NDEL1: variants seen among roughly 807,000 people sequenced by gnomAD.
The protein encoded by NDEL1 is nuclear distribution protein nudE-like 1.
NDEL1 carries 9 observed loss-of-function variants against 45.7 expected under a neutral mutation model. That is an observed-to-expected ratio of 0.20 (90% CI 0.12 to 0.34). The LOEUF is 0.34. Among genes scored for constraint, NDEL1 ranks in the 10% least tolerant of loss-of-function variants. NDEL1 has a pLI of 1.00. For synonymous variants in NDEL1, 133 were observed against 158.6 expected (o/e 0.84, Z 1.21); for missense variants, 306 against 406.2 (o/e 0.75, Z 2.12).
upstream of NDEL1, chr17:8,435,703 GCGCCTGCGCAAGAGGA>G (rs940971199): frequency 4.2e-4 from 139 of 332,436 alleles, no homozygotes; most frequent in African/African-American, 2.1e-3. Flanking sequence ...GAGTCCAGGA[GCGCCTGCGCAAGAGGA>G]CGCCTGCGCA....
At chr17:8,432,619 C>T (rs1234703896), upstream of NDEL1, among the ~76,000 whole-genome samples, 5 of 151,514 alleles carry the variant, frequency 3.3e-5, no homozygotes, top group East Asian at 2.0e-4. Context: ...CTCCTGACCT[C>T]GTGATCCGCC....
intron 1 of NDEL1, among the ~76,000 whole-genome samples, chr17:8,423,758 T>C (rs1434399716): frequency 6.6e-6 from 1 of 152,110 alleles, no homozygotes; most frequent in Non-Finnish European, 1.5e-5. Flanking sequence ...GTTGGACTAA[T>C]TAGGGAGTCA....
chr17:8,443,021 C>T (rs868109519), intron 1 of NDEL1, among the ~76,000 whole-genome samples: 18 of 152,008 alleles, frequency 1.2e-4, no homozygotes, highest in Admixed American at 5.2e-4. Context: ...CCTCGTGATC[C>T]GCCCGCCTCG....
intron 1 of NDEL1, among the ~76,000 whole-genome samples, chr17:8,426,837 C>G (rs1175400487): frequency 6.6e-6 from 1 of 152,178 alleles, no homozygotes; most frequent in Non-Finnish European, 1.5e-5. Flanking sequence ...GTTTACCCCC[C>G]AGATAAGGAT....
chr17:8,435,376 A>T (rs1909210861), upstream of NDEL1, among the ~76,000 whole-genome samples: 1 of 152,238 alleles, frequency 6.6e-6, no homozygotes, highest in African/African-American at 2.4e-5. Context: ...TAGCTCTCAT[A>T]GAACTTAGAA....
In NDEL1 at chr17:8,425,398, G is replaced by A. The variant is rs527662796; in HGVS notation, c.-13+12129G>A. On this transcript the variant is annotated intron_variant, in intron 1 of 4. Transcript: ENST00000582812. ...GGAGTTTGAGACCAGCCTGGGCAAC[G>A]TGGTGAAACCCCATCTCTACAAAAA... 4.6e-5 allele frequency among the ~76,000 whole-genome samples: 7 copies of A among 152,224 alleles called. No individual in the cohort carries two copies. In the South Asian group the frequency reaches 1.2e-3, roughly 27 times the overall value.
intron 6 of NDEL1, 72 bp from the exon 7 acceptor site, chr17:8,454,723 TG>T: frequency 9.2e-7 from 1 of 1,088,604 alleles, no homozygotes; most frequent in South Asian, 1.3e-5. Flanking sequence ...TACACTACTT[TG>T]TAACATCAAC....
chr17:8,453,773 G>T (rs774895297), intron 6 of NDEL1, among the ~76,000 whole-genome samples: 4 of 152,172 alleles, frequency 2.6e-5, no homozygotes, highest in Admixed American at 2.6e-4. Flanking sequence ...AATAGTAAAT[G>T]TGCAAGAACA....
Position 8,435,919 on chromosome 17 carries a change from G to A in NDEL1, c.-139G>A, listed in dbSNP as rs1358017625. ...GTGTCGGGGAGGAGCCGGGCGCGGA[G>A]GTACGCTGAGTGGAGCTCGGGGCTG... On this transcript the variant is annotated 5_prime_UTR_variant, in exon 1 of 9. Transcript: ENST00000334527. 1 of 448,398 alleles carries A rather than the reference G, an allele frequency of 2.2e-6. No individual in the cohort carries two copies. Among genetic ancestry groups the A allele is most frequent in the Admixed American group, 2.4e-5 (1 of 42,150 alleles). 27.8% of individuals were successfully genotyped at this position (448,398 alleles called of 1,614,324 possible). A position where few individuals can be genotyped will look rare whatever the true frequency, so the allele number is the denominator to read the frequency against.
intron 8 of NDEL1, chr17:8,466,543 A>G (rs562169203): frequency 8.7e-5 from 15 of 172,728 alleles, no homozygotes; most frequent in Non-Finnish European, 1.1e-4. Context: ...ATATTTTCCC[A>G]TGCTATTAAA....
intron 3 of NDEL1, 85 bp from the exon 4 acceptor site, chr17:8,446,669 C>CA: frequency 6.8e-7 from 1 of 1,460,574 alleles, no homozygotes; most frequent in African/African-American, 1.4e-5. Flanking sequence ...CTTGGGTTCC[C>CA]CCCCACCCTT....
chr17:8,469,257 T>C (rs1220575379), downstream of NDEL1, among the ~76,000 whole-genome samples: 4 of 152,094 alleles, frequency 2.6e-5, no homozygotes, highest in Non-Finnish European at 1.5e-5. Context: ...ATTGGAAGGA[T>C]TGGATTAGAT....
At chr17:8,454,557 A>G in intron 6 of NDEL1, among the ~76,000 whole-genome samples, 1 of 152,208 alleles carries the variant, frequency 6.6e-6, no homozygotes, top group Non-Finnish European at 1.5e-5. Flanking sequence ...ATACTTGTCT[A>G]GATGTTTAAG....
chr17:8,444,575 A>C, intron 2 of NDEL1: 1 of 406,252 alleles, frequency 2.5e-6, no homozygotes, highest in Non-Finnish European at 4.4e-6. Context: ...TAGTAGGAAA[A>C]CTGTCATTTA....
intron 1 of NDEL1, among the ~76,000 whole-genome samples, chr17:8,429,058 A>G (rs1908939173): frequency 1.3e-5 from 2 of 152,238 alleles, no homozygotes; most frequent in Admixed American, 6.5e-5. Context: ...TATAGACGCT[A>G]TGGCCTGGGT....
chr17:8,433,946 C>T (rs1909081788), upstream of NDEL1, among the ~76,000 whole-genome samples: 1 of 152,308 alleles, frequency 6.6e-6, no homozygotes, highest in East Asian at 1.9e-4. Flanking sequence ...CTTCTCTGAT[C>T]TTTATTGATT....
chr17:8,439,372 C>T (rs1909583084), intron 1 of NDEL1, among the ~76,000 whole-genome samples: 1 of 151,354 alleles, frequency 6.6e-6, no homozygotes, highest in Non-Finnish European at 1.5e-5. Context: ...TCCTGAGTAG[C>T]TGGGATTACA....
At chr17:8,439,388 C>T (rs1054299758) in intron 1 of NDEL1, among the ~76,000 whole-genome samples, 12 of 149,440 alleles carry the variant, frequency 8.0e-5, no homozygotes, top group African/African-American at 1.5e-4. Flanking sequence ...TTACAGGTGC[C>T]GGCCACCATA....
chr17:8,473,909 C>A (rs1216620627), intron 3 of NDEL1, among the ~76,000 whole-genome samples: 17 of 152,234 alleles, frequency 1.1e-4, no homozygotes, highest in Admixed American at 1.1e-3. Flanking sequence ...TGTCCTAACC[C>A]AGCAGTGAGC....
Sources: gnomAD v4.1 joint callset for allele counts (sites outside exome capture counted in the v4.1 genomes callset) on GRCh38, gnomAD v4.1.1 for gene constraint, MANE v1.5 for transcripts, NCBI Gene and HGNC (gene_info 2026-07-23, HGNC 2026-07-21) for gene names.